ARID1A: variants seen among roughly 807,000 people sequenced by gnomAD.
ARID1A encodes the protein AT-rich interaction domain 1A.
In ARID1A, 20 loss-of-function variants were observed where a neutral mutation model predicts 212.6. That is an observed-to-expected ratio of 0.09 (90% confidence interval 0.07 to 0.14). The LOEUF is 0.14. ARID1A is among the 10% of genes least tolerant of loss of function. The pLI, the probability that ARID1A is intolerant of heterozygous loss-of-function variation, is 1.00. For synonymous variants in ARID1A, 1,376 were observed against 1,222.1 expected (o/e 1.13, Z -2.63); for missense variants, 2,587 against 3,059.0 (o/e 0.85, Z 3.64).
chr1:26,775,535 A>G (rs201664665), intron 18 of ARID1A, 42 bp from the exon 19 acceptor site: 2 of 1,611,628 alleles, frequency 1.2e-6, no homozygotes, highest in Admixed American at 1.7e-5. Context: ...GCCTCCAGCC[A>G]ACCTGGGCTT....
intron 1 of ARID1A, among the ~76,000 whole-genome samples, chr1:26,707,182 C>T (rs1446449030): frequency 6.7e-6 from 1 of 148,426 alleles, no homozygotes; most frequent in East Asian, 2.0e-4. Flanking sequence ...TACAGGCATG[C>T]GCCACCGCGG....
intron 1 of ARID1A, chr1:26,729,357 T>C (rs1570573747): frequency 9.8e-6 from 4 of 408,368 alleles, no homozygotes; most frequent in Non-Finnish European, 1.8e-5. Context: ...TGAAGGGCCT[T>C]TGTTTATACC....
At position 26,779,413 on chromosome 1, in the gene ARID1A, A is replaced by G. The variant is rs537749567; in HGVS notation, c.5515A>G (p.Ser1839Gly). The G allele has an allele frequency of 6.2e-7, 1 of 1,614,196 alleles. No homozygotes were observed. The highest frequency in any genetic ancestry group is 2.2e-5 in the East Asian group (1 of 44,882). The change falls in exon 20 of 20, where the codon AGT becomes GGT. Residue 1839 changes from serine (S) to glycine (G), a missense_variant. Ser to Gly is a moderately conservative substitution (Grantham distance 56). Coordinates refer to ENST00000324856, the MANE Select transcript of ARID1A (RefSeq NM_006015.6). ...DKLGRVQEFD[S>G]GLLHWRIGGG... Reference sequence around the variant, plus strand: ...GCTTGGGCGTGTGCAGGAGTTTGACAGTGGCCTGCTGCACTGGCGGATTGG... The same window carrying G: ...GCTTGGGCGTGTGCAGGAGTTTGACGGTGGCCTGCTGCACTGGCGGATTGG...
chr1:26,767,682 C>A, intron 10 of ARID1A, 108 bp from the exon 11 acceptor site: 2 of 1,159,142 alleles, frequency 1.7e-6, no homozygotes, highest in Non-Finnish European at 2.4e-6. Flanking sequence ...TTAGTAACCA[C>A]CCCAGAGTAA....
In ARID1A at chr1:26,760,737, G is replaced by A. The variant is rs1014653085; in HGVS notation, c.1921-119G>A. 5.5e-5 allele frequency: 59 copies of A among 1,082,396 alleles called. 1 individual carries two copies. The highest frequency in any genetic ancestry group is 1.3e-4 in the East Asian group (5 of 39,496). The allele number at this position is 1,082,396 out of a possible 1,614,324, so 67.0% of individuals were successfully genotyped here. A position where few individuals can be genotyped will look rare whatever the true frequency, so the allele number is the denominator to read the frequency against. On this transcript the variant is annotated intron_variant, in intron 4 of 19. Transcript: ENST00000324856. ...AAAAATAGTATCATGACTAAAGAAC[G>A]TGTGTGATGTATTTGCTCTTGGTTG...
In ARID1A at chr1:26,771,086, A is replaced by G. The variant is rs1215962331; in HGVS notation, c.3199-33A>G. The G allele has an allele frequency of 6.2e-7, 1 of 1,606,688 alleles. No individual in the cohort carries two copies. The highest frequency in any genetic ancestry group is 2.2e-5 in the East Asian group (1 of 44,838). On this transcript the variant is annotated intron_variant, in intron 11 of 19. Coordinates refer to ENST00000324856, the MANE Select transcript of ARID1A (RefSeq NM_006015.6). This position sits in a 1 kb window ranked among gnomAD's most constrained non-coding sequence, Gnocchi z 5.4. ...TATGGGCAGGAAAACCAGGCGGGAG[A>G]TATACCTCGACTCCTTTGGTTTGGT...
chr1:26,731,026 T>C (rs956342378), intron 2 of ARID1A, 126 bp from the exon 3 acceptor site: 1 of 1,086,558 alleles, frequency 9.2e-7, no homozygotes, highest in South Asian at 1.5e-5. Context: ...ACCCTGGGCC[T>C]CCTAAGTATG....
At chr1:26,718,864 AAAGTTT>A (rs1242247722) in intron 1 of ARID1A, among the ~76,000 whole-genome samples, 1 of 152,228 alleles carries the variant, frequency 6.6e-6, no homozygotes, top group African/African-American at 2.4e-5. Flanking sequence ...TACCTATGAT[AAAGTTT>A]AATTTATTAG....
intron 1 of ARID1A, among the ~76,000 whole-genome samples, chr1:26,722,052 T>C (rs777393613): frequency 6.6e-6 from 1 of 152,180 alleles, no homozygotes; most frequent in Non-Finnish European, 1.5e-5. Context: ...TTTGTCTTGT[T>C]TTACATCACT....
In ARID1A at chr1:26,697,048, C is replaced by T. The variant is rs753645560; in HGVS notation, c.645C>T (p.Tyr215=). 14 of 1,533,774 alleles carry T rather than the reference C, an allele frequency of 9.1e-6. No individual in the cohort carries two copies. The South Asian group carries it at 1.7e-4, about 19-fold the overall frequency. ...TCCCCAACCACCAGTACAACTCCTA[C>T]TACCCCAACCGCAGCGCCTACCCCC... The part of the protein sequence containing the change: ...HGFPNHQYNS[Y]YPNRSAYPPP... Residue 215 remains tyrosine (Y), a synonymous_variant, in exon 1 of 20, where the codon TAC becomes TAT. Transcript: ENST00000324856.
chr1:26,773,728 C>T lies in ARID1A; in HGVS notation c.4004+11C>T, dbSNP rs2124113889. 1.9e-6 allele frequency: 3 copies of T among 1,614,192 alleles called. No individual in the cohort carries two copies. The highest frequency in any genetic ancestry group is 2.5e-6 in the Non-Finnish European group (3 of 1,180,028). On this transcript the variant is annotated intron_variant, in intron 16 of 19. Coordinates refer to ENST00000324856, the MANE Select transcript of ARID1A (RefSeq NM_006015.6). ...GCAGCAGCAGCAACGGTGAGTAAAG[C>T]CTGGTCTCGGTGCTGCTATGGATCA...
At chr1:26,741,240 AT>A (rs2124802141) in intron 4 of ARID1A, among the ~76,000 whole-genome samples, 1 of 152,302 alleles carries the variant, frequency 6.6e-6, no homozygotes, top group East Asian at 1.9e-4. Flanking sequence ...ATTGTGTAAT[AT>A]TTCTGGAAGC....
In ARID1A at chr1:26,781,631, A is replaced by G. The variant is rs1289548913; in HGVS notation, c.*875A>G. On this transcript the variant is annotated 3_prime_UTR_variant, in exon 20 of 20. Transcript: ENST00000324856. ...CGTGTGTATATATATGACGTTGTAC[A>G]TTGCACATACCCTTGGATCCCCACA... The G allele has an allele frequency of 4.3e-6, 1 of 233,676 alleles. No individual in the cohort carries two copies. The highest frequency in any genetic ancestry group is 8.5e-6 in the Non-Finnish European group (1 of 118,060). 14.5% of individuals were successfully genotyped at this position (233,676 alleles called of 1,614,324 possible).
chr1:26,730,391 C>G (rs555722566), intron 2 of ARID1A, among the ~76,000 whole-genome samples: 2 of 152,182 alleles, frequency 1.3e-5, no homozygotes, highest in Non-Finnish European at 2.9e-5. Flanking sequence ...TCGAACCATT[C>G]ACATCATTAT....
chr1:26,724,156 A>G (rs2080594285), intron 1 of ARID1A, among the ~76,000 whole-genome samples: 1 of 152,170 alleles, frequency 6.6e-6, no homozygotes, highest in East Asian at 1.9e-4. Context: ...GAGTAATAAT[A>G]CTTAAATGTC....
At chr1:26,761,127 G>A in intron 5 of ARID1A, 31 bp downstream of exon 5, 1 of 1,607,758 alleles carries the variant, frequency 6.2e-7, no homozygotes, top group Non-Finnish European at 8.5e-7. Context: ...TTAGGGAGAG[G>A]GAAAGGTGAC....
At chr1:26,706,186 T>C (rs1052894259) in intron 1 of ARID1A, among the ~76,000 whole-genome samples, 13 of 152,234 alleles carry the variant, frequency 8.5e-5, no homozygotes, top group Admixed American at 6.5e-4. Context: ...GGCTTCCTTA[T>C]GGCTTTGTTG....
Position 26,766,561 on chromosome 1 carries a change from T to A in ARID1A, c.2983T>A (p.Ser995Thr), listed in dbSNP as rs777028567. 1.9e-6 allele frequency: 3 copies of A among 1,608,916 alleles called. No homozygotes were observed. The highest frequency in any genetic ancestry group is 2.5e-6 in the Non-Finnish European group (3 of 1,177,546). The change falls in exon 10 of 20, where the codon TCC becomes ACC. Residue 995 changes from serine to threonine, a missense_variant. By Grantham distance (58) the Ser-to-Thr change is moderately conservative (BLOSUM62 1). This residue lies in a region of ARID1A where 674 missense variants were observed against 813.4 expected (regional missense o/e 0.83). Transcript: ENST00000324856. ...TGGGACACCCAAGACAGAATCCAAA[T>A]CCAAGGTAGTGATTTTTGTCTTGAC... ...ADGTPKTESK[S>T]KKSSSSTTTN... is the part of the protein sequence containing the mutation.
At chr1:26,753,354 G>C (rs996154260) in intron 4 of ARID1A, 4 of 152,334 alleles carry the variant, frequency 2.6e-5, no homozygotes, top group Non-Finnish European at 5.9e-5. Flanking sequence ...GCACTCACTA[G>C]GGCTGGGCAA....
Sources: gnomAD v4.1 joint callset for allele counts (sites outside exome capture counted in the v4.1 genomes callset) on GRCh38, gnomAD v4.1.1 for gene constraint, gnomAD v4.1.1 regional missense constraint, Gnocchi (gnomAD v3.1) non-coding constraint, MANE v1.5 for transcripts, NCBI Gene and HGNC (gene_info 2026-07-23, HGNC 2026-07-21) for gene names.